The following PDE4D variants were observed in gnomAD, a reference collection of about 807,000 sequenced individuals.
PDE4D encodes 3',5'-cyclic-AMP phosphodiesterase 4D.
In PDE4D, 24 loss-of-function variants were observed where a neutral mutation model predicts 87.4. The observed-to-expected ratio is 0.27, with a 90% CI of 0.20 to 0.39. PDE4D has a LOEUF of 0.39. Among genes scored for constraint, PDE4D ranks in the 10% least tolerant of loss-of-function variants. The pLI, the probability that PDE4D is intolerant of heterozygous loss-of-function variation, is 1.00. For missense variants in PDE4D, 714 were observed against 1,041.0 expected (o/e 0.69, Z 4.32); for synonymous variants, 384 against 383.2 (o/e 1.00, Z -0.02).
exon 3 of PDE4D, chr5:59,988,679 T>C (rs1371015898): frequency 6.3e-7 from 1 of 1,598,390 alleles, no homozygotes; most frequent in East Asian, 2.2e-5. Context: ...GGAAAGGGTC[T>C]TCCTCTTCAT....
chr5:59,267,004 TTGTC>T (rs1610872), intron 1 of PDE4D, among the ~76,000 whole-genome samples: 31,407 of 151,800 alleles, frequency 0.21, 3,571 homozygotes, highest in Non-Finnish European at 0.26. Flanking sequence ...ACTAAGTTCA[TTGTC>T]TGTCAAAGAG....
At chr5:59,534,789 AACTGAATCTT>A (rs1045863315) in intron 1 of PDE4D, among the ~76,000 whole-genome samples, 1 of 152,130 alleles carries the variant, frequency 6.6e-6, no homozygotes, top group African/African-American at 2.4e-5. Context: ...GTAAGCTCTA[AACTGAATCTT>A]ACAGAGCCTG....
At chr5:59,062,261 T>C (rs1381218814) in intron 5 of PDE4D, among the ~76,000 whole-genome samples, 1 of 152,142 alleles carries the variant, frequency 6.6e-6, no homozygotes, top group Non-Finnish European at 1.5e-5. Flanking sequence ...TCTCTATTTG[T>C]ATTAACTCAT....
chr5:59,119,737 A>T (rs893185608), intron 5 of PDE4D, among the ~76,000 whole-genome samples: 1 of 152,226 alleles, frequency 6.6e-6, no homozygotes, highest in Non-Finnish European at 1.5e-5. Context: ...TAGAGGAAAC[A>T]TTCTATGATC....
Position 59,590,344 on chromosome 5 carries a change from T to C in PDE4D, c.455+302824A>G, listed in dbSNP as rs568439777. On this transcript the variant is annotated intron_variant, in intron 1 of 14. Transcript: ENST00000340635. ...TGGGTTAGGGTAATGCTAATCTATTTTGTTACACTAAAAGATAATCATCCT... is the reference window on the plus strand; with the variant it reads ...TGGGTTAGGGTAATGCTAATCTATTCTGTTACACTAAAAGATAATCATCCT... Among the ~76,000 whole-genome samples the C allele has an allele frequency of 5.9e-5, 9 of 152,318 alleles. No homozygotes were observed. The East Asian group carries it at 1.7e-3, about 29-fold the overall frequency.
chr5:59,984,257 A>T (rs2152827528), intron 3 of PDE4D, among the ~76,000 whole-genome samples: 1 of 152,340 alleles, frequency 6.6e-6, no homozygotes, highest in South Asian at 2.1e-4. Context: ...ATAGAAAATT[A>T]TTTAGGAGGA....
chr5:59,193,651 T>C, intron 2 of PDE4D, 115 bp from the exon 3 acceptor site: 1 of 1,514,960 alleles, frequency 6.6e-7, no homozygotes, highest in Non-Finnish European at 8.8e-7. Context: ...ATTACAGTGA[T>C]TCCATCCTTA....
At position 59,731,201 on chromosome 5, in the gene PDE4D, G is replaced by A. The variant is rs116804883; in HGVS notation, c.455+161967C>T. 4.0e-3 allele frequency among the ~76,000 whole-genome samples: 539 copies of A among 133,684 alleles called. 3 individuals carry two copies. The highest frequency in any genetic ancestry group is 0.017 in the African/African-American group (516 of 29,766). The allele number at this position is 133,684 out of a possible 152,430, so 87.7% of individuals were successfully genotyped here. On this transcript the variant is annotated intron_variant, in intron 1 of 14. Coordinates refer to ENST00000340635, the MANE Select transcript of PDE4D (RefSeq NM_001104631.2). ...TTGCCAAAGAACAGGTTGTCAGAGA[G>A]GGGCAAGGTAGCTGGGTTTATATAA...
chr5:59,660,428 C>T (rs1051124752), intron 1 of PDE4D, among the ~76,000 whole-genome samples: 2 of 152,058 alleles, frequency 1.3e-5, no homozygotes, highest in Non-Finnish European at 2.9e-5. Flanking sequence ...TTTTTTCTCT[C>T]TCAAAAACAA....
intron 2 of PDE4D, among the ~76,000 whole-genome samples, chr5:60,090,364 A>T (rs554090599): frequency 5.3e-5 from 8 of 152,310 alleles, no homozygotes; most frequent in Non-Finnish European, 1.0e-4. Flanking sequence ...GGTTGCAGGG[A>T]TAATTCAACA....
intron 1 of PDE4D, among the ~76,000 whole-genome samples, chr5:59,354,586 G>T (rs1781052984): frequency 6.6e-6 from 1 of 152,150 alleles, no homozygotes; most frequent in Admixed American, 6.6e-5. Flanking sequence ...TATATGATAT[G>T]TACCTTTTTT....
chr5:60,423,814 GAGA>G (rs1407940492), intron 1 of PDE4D, among the ~76,000 whole-genome samples: 1 of 152,024 alleles, frequency 6.6e-6, no homozygotes, highest in African/African-American at 2.4e-5. Context: ...ATAAAAAAGA[GAGA>G]AGAATCAAAT....
chr5:60,103,164 T>A (rs933066524), intron 2 of PDE4D, among the ~76,000 whole-genome samples: 1 of 152,154 alleles, frequency 6.6e-6, no homozygotes, highest in Non-Finnish European at 1.5e-5. Context: ...GAAGAATAAA[T>A]GCAGTCAGTG....
chr5:59,536,597 T>C (rs567389905), intron 1 of PDE4D, among the ~76,000 whole-genome samples: 5 of 151,558 alleles, frequency 3.3e-5, no homozygotes, highest in South Asian at 2.1e-4. Context: ...CAACTTTCAA[T>C]GAAGAAGTCT....
At chr5:60,473,467 A>G (rs1340741375) in intron 1 of PDE4D, among the ~76,000 whole-genome samples, 2 of 152,238 alleles carry the variant, frequency 1.3e-5, no homozygotes, top group East Asian at 1.9e-4. Context: ...TAATATGTAT[A>G]TGTTAAAGAA....
intron 1 of PDE4D, among the ~76,000 whole-genome samples, chr5:60,458,812 C>T (rs1746693388): frequency 6.6e-6 from 1 of 152,000 alleles, no homozygotes; most frequent in African/African-American, 2.4e-5. Context: ...CAATATGCCA[C>T]CTCTGAAAAC....
intron 1 of PDE4D, among the ~76,000 whole-genome samples, chr5:59,816,443 A>T (rs1209416457): frequency 1.3e-5 from 2 of 152,216 alleles, no homozygotes; most frequent in East Asian, 3.8e-4. Flanking sequence ...GGGAAAAAAA[A>T]TGAATGAGAG....
At chr5:59,654,949 T>A (rs1744116602) in intron 1 of PDE4D, among the ~76,000 whole-genome samples, 1 of 152,250 alleles carries the variant, frequency 6.6e-6, no homozygotes, top group South Asian at 2.1e-4. Context: ...CATTTGTTTA[T>A]CCATCAGCTG....
intron 1 of PDE4D, among the ~76,000 whole-genome samples, chr5:60,254,256 A>G (rs1748798331): frequency 1.3e-5 from 2 of 151,864 alleles, no homozygotes; most frequent in Non-Finnish European, 2.9e-5. Flanking sequence ...CCAAGAGGCA[A>G]GAGATTTCTT....
Sources: allele counts gnomAD v4.1 joint callset (sites outside exome capture counted in the v4.1 genomes callset), GRCh38; gene constraint gnomAD v4.1.1; transcripts MANE v1.5; gene names NCBI Gene and HGNC (gene_info 2026-07-23, HGNC 2026-07-21).